Variants in NALF1 observed in about 807,000 individuals in gnomAD.
The protein encoded by NALF1 is family with sequence similarity 155 member A.
In NALF1, 3 loss-of-function variants were observed where a neutral mutation model predicts 48.4. That is an observed-to-expected ratio of 0.06 (90% confidence interval 0.03 to 0.16). The LOEUF is 0.16. NALF1 is among the 10% of genes least tolerant of loss of function. The pLI is 1.00. For missense variants in NALF1, 526 were observed against 571.5 expected (o/e 0.92, Z 0.81); for synonymous variants, 262 against 245.7 (o/e 1.07, Z -0.62).
At chr13:107,387,116 A>C (rs991926096) in intron 1 of NALF1, among the ~76,000 whole-genome samples, 4 of 152,198 alleles carry the variant, frequency 2.6e-5, no homozygotes, top group African/African-American at 9.6e-5. Context: ...CTGGGTAGAA[A>C]AAGGAAAATG....
intron 1 of NALF1, among the ~76,000 whole-genome samples, chr13:107,418,294 C>G (rs931830363): frequency 6.6e-6 from 1 of 152,052 alleles, no homozygotes; most frequent in African/African-American, 2.4e-5. Context: ...CCCCTCCCCT[C>G]GAGTGTGAGC....
At chr13:107,465,972 G>C (rs1884995149) in intron 1 of NALF1, 2 of 152,940 alleles carry the variant, frequency 1.3e-5, no homozygotes, top group Admixed American at 1.3e-4. Context: ...AGACATACCT[G>C]AGACTGGGAA....
intron 1 of NALF1, among the ~76,000 whole-genome samples, chr13:107,541,283 C>T (rs962680680): frequency 6.6e-6 from 1 of 152,110 alleles, no homozygotes; most frequent in Non-Finnish European, 1.5e-5. Flanking sequence ...GAGGCTGTTC[C>T]AGCATGGATG....
chr13:107,234,885 G>A (rs1263221456), intron 1 of NALF1, among the ~76,000 whole-genome samples: 1 of 151,976 alleles, frequency 6.6e-6, no homozygotes, highest in Non-Finnish European at 1.5e-5. Context: ...TAACATTTCA[G>A]GCAGACTTGA....
At chr13:107,350,771 A>G (rs1265405292) in intron 1 of NALF1, among the ~76,000 whole-genome samples, 1 of 152,182 alleles carries the variant, frequency 6.6e-6, no homozygotes, top group Middle Eastern at 3.2e-3. Context: ...AGAATCACTC[A>G]GAAGGCTTGA....
intron 1 of NALF1, among the ~76,000 whole-genome samples, chr13:107,521,880 T>G (rs940196134): frequency 6.6e-5 from 10 of 151,160 alleles, no homozygotes; most frequent in Non-Finnish European, 1.3e-4. Context: ...GAACTGGTTC[T>G]CCTTTTCTAC....
At chr13:107,568,380 AG>A (rs1479944106) in intron 1 of NALF1, among the ~76,000 whole-genome samples, 1 of 152,200 alleles carries the variant, frequency 6.6e-6, no homozygotes, top group Non-Finnish European at 1.5e-5. Context: ...ATTTCCTGTT[AG>A]GGGCTATCAC....
At chr13:107,474,751 T>C (rs554281497) in intron 1 of NALF1, among the ~76,000 whole-genome samples, 3 of 152,298 alleles carry the variant, frequency 2.0e-5, no homozygotes, top group Non-Finnish European at 4.4e-5. Flanking sequence ...TAGAGACAGA[T>C]CCTACCATGG....
intron 2 of NALF1, among the ~76,000 whole-genome samples, chr13:107,176,743 A>G (rs1181918682): frequency 6.6e-6 from 1 of 152,200 alleles, no homozygotes; most frequent in Non-Finnish European, 1.5e-5. Context: ...TGTTGTAAGT[A>G]GAGATAAATA....
Position 107,535,708 on chromosome 13 carries a change from C to T in NALF1, c.916-324953G>A, listed in dbSNP as rs547085120. Among the ~76,000 whole-genome samples, 158 of 152,224 alleles carry T rather than the reference C, an allele frequency of 1.0e-3. 2 individuals are homozygous for T. The highest frequency in any genetic ancestry group is 1.9e-3 in the Non-Finnish European group (126 of 68,006). ...ATCAAGCTACCAATGACTTTCTTCA[C>T]AGAATTGGAAAAAACTACTTTAAAG... On this transcript the variant is annotated intron_variant, in intron 1 of 2. Coordinates refer to ENST00000375915, the MANE Select transcript of NALF1 (RefSeq NM_001080396.3).
chr13:107,620,961 C>A (rs1012128716), intron 1 of NALF1, among the ~76,000 whole-genome samples: 6 of 152,020 alleles, frequency 3.9e-5, no homozygotes, highest in Non-Finnish European at 8.8e-5. Flanking sequence ...TAGAAGTAAT[C>A]ATTTCTACTG....
At chr13:107,503,267 G>A (rs943780588) in intron 1 of NALF1, among the ~76,000 whole-genome samples, 1 of 150,728 alleles carries the variant, frequency 6.6e-6, no homozygotes, top group African/African-American at 2.4e-5. Flanking sequence ...TCAGTAACTA[G>A]TACTGCTTAA....
rs1218277109 is a variant in NALF1 at position 107,727,210 on chromosome 13, G to GA, written c.915+138471dup. On this transcript the variant is annotated intron_variant, in intron 1 of 2. Coordinates refer to ENST00000375915, the MANE Select transcript of NALF1 (RefSeq NM_001080396.3). ...AGAAGCCCAAGGCACAGCTTGCCATGAAAAAAAAATGTGATAATACACATA... is the reference window on the plus strand; with the variant it reads ...AGAAGCCCAAGGCACAGCTTGCCATGAAAAAAAAAATGTGATAATACACATA... 3.5e-4 allele frequency among the ~76,000 whole-genome samples: 53 copies of GA among 149,894 alleles called. No homozygotes were observed. The South Asian group carries it at 0.01, about 29-fold the overall frequency.
chr13:107,328,693 A>G (rs1882412613), intron 1 of NALF1, among the ~76,000 whole-genome samples: 1 of 152,136 alleles, frequency 6.6e-6, no homozygotes, highest in South Asian at 2.1e-4. Flanking sequence ...CAATTTTCTA[A>G]TCTCATTTTT....
Position 107,218,392 on chromosome 13 carries a change from A to G in NALF1, c.916-7637T>C, listed in dbSNP as rs1424063227. 3.9e-5 allele frequency among the ~76,000 whole-genome samples: 6 copies of G among 152,120 alleles called. No individual in the cohort carries two copies. The East Asian group carries it at 9.7e-4, about 25-fold the overall frequency. On this transcript the variant is annotated intron_variant, in intron 1 of 2. Transcript: ENST00000375915. ...CCCTGGATGTATCTGGCAGAAATTT[A>G]CCGTCAGTGGAATGCCCACTGGAAA...
intron 1 of NALF1, among the ~76,000 whole-genome samples, chr13:107,464,226 T>TA (rs34761329): frequency 0.48 from 72,423 of 151,058 alleles, 17,594 homozygotes; most frequent in Middle Eastern, 0.51. Flanking sequence ...CAACTCACAT[T>TA]AAAAAAAAAC....
At chr13:107,440,181 CT>C (rs1380058875) in intron 1 of NALF1, among the ~76,000 whole-genome samples, 1 of 152,144 alleles carries the variant, frequency 6.6e-6, no homozygotes, top group African/African-American at 2.4e-5. Flanking sequence ...GAAATATTGA[CT>C]AATTTCTCTA....
At chr13:107,455,370 A>G (rs1017233585) in intron 1 of NALF1, among the ~76,000 whole-genome samples, 1 of 152,184 alleles carries the variant, frequency 6.6e-6, no homozygotes, top group South Asian at 2.1e-4. Flanking sequence ...CCTTTTAAAA[A>G]AAAATAGTTT....
chr13:107,723,651 A>G (rs1265151119), intron 1 of NALF1, among the ~76,000 whole-genome samples: 1 of 152,244 alleles, frequency 6.6e-6, no homozygotes, highest in African/African-American at 2.4e-5. Context: ...TTGATTCAAC[A>G]TATGACTGAG....
Sources: allele counts gnomAD v4.1 joint callset (sites outside exome capture counted in the v4.1 genomes callset), GRCh38; gene constraint gnomAD v4.1.1; transcripts MANE v1.5; gene names NCBI Gene and HGNC (gene_info 2026-07-23, HGNC 2026-07-21).